Variants in PSD3 observed in about 807,000 individuals in gnomAD.
PSD3 encodes pleckstrin and Sec7 domain containing 3.
In PSD3, 49 loss-of-function variants were observed where a neutral mutation model predicts 105.5. The observed-to-expected ratio is 0.46, with a 90% CI of 0.37 to 0.59. The LOEUF (loss-of-function observed/expected upper bound fraction) is 0.59, where lower values mean the gene tolerates loss of function less well. Ranked by LOEUF, PSD3 falls within the 20% of genes least tolerant of loss-of-function variation. The pLI is 0.00. For missense variants in PSD3, 1,561 were observed against 1,263.8 expected, an observed-to-expected ratio of 1.24 and a Z score of -3.57; for synonymous variants, 557 against 457.8, an observed-to-expected ratio of 1.22 and a Z score of -2.77.
At chr8:18,744,675 CTTAATG>C (rs1367128459) in intron 9 of PSD3, among the ~76,000 whole-genome samples, 1 of 152,172 alleles carries the variant, frequency 6.6e-6, no homozygotes, top group Non-Finnish European at 1.5e-5. Context: ...CCAGTCTTCC[CTTAATG>C]TTAACATCTT....
intron 11 of PSD3, among the ~76,000 whole-genome samples, chr8:18,602,773 T>C (rs933023115): frequency 8.5e-5 from 13 of 152,114 alleles, no homozygotes; most frequent in African/African-American, 2.9e-4. Context: ...ACTGCTCTGA[T>C]TTGACAACCA....
intron 9 of PSD3, among the ~76,000 whole-genome samples, chr8:18,729,358 A>G (rs1264534382): frequency 6.6e-6 from 1 of 152,148 alleles, no homozygotes; most frequent in Admixed American, 6.5e-5. Flanking sequence ...GACTCCTTTA[A>G]CCCACAGCAG....
chr8:18,833,824 C>G (rs1045227327), intron 4 of PSD3, among the ~76,000 whole-genome samples: 6 of 152,052 alleles, frequency 3.9e-5, no homozygotes, highest in Non-Finnish European at 8.8e-5. Context: ...AAAATAATTA[C>G]TTGCATATAA....
At chr8:18,591,871 G>A (rs1803638058) in intron 12 of PSD3, among the ~76,000 whole-genome samples, 2 of 152,126 alleles carry the variant, frequency 1.3e-5, no homozygotes, top group South Asian at 4.1e-4. Context: ...ATCAAAGGGT[G>A]CAAGGATTAT....
chr8:18,600,292 T>C (rs1804341469), intron 12 of PSD3, 72 bp downstream of exon 12: 4 of 1,324,124 alleles, frequency 3.0e-6, no homozygotes, highest in Non-Finnish European at 4.3e-6. Context: ...GAGACTACCG[T>C]ACATACATAT....
intron 9 of PSD3, among the ~76,000 whole-genome samples, chr8:18,712,386 C>A (rs541405820): frequency 6.7e-6 from 1 of 150,212 alleles, no homozygotes; most frequent in Admixed American, 6.6e-5. Context: ...CTAGCTAGAA[C>A]AATAAAGAAG....
intron 4 of PSD3, among the ~76,000 whole-genome samples, chr8:18,851,929 A>C (rs1815608139): frequency 6.6e-6 from 1 of 152,176 alleles, no homozygotes; most frequent in Non-Finnish European, 1.5e-5. Flanking sequence ...ATCAAAATTC[A>C]ATCTAAAACC....
intron 10 of PSD3, among the ~76,000 whole-genome samples, chr8:18,639,080 C>T (rs1807465741): frequency 6.6e-6 from 1 of 152,162 alleles, no homozygotes; most frequent in Admixed American, 6.5e-5. Flanking sequence ...AGAAACCAGT[C>T]ACATGGGCAG....
At chr8:18,646,651 T>G (rs976222688) in intron 10 of PSD3, among the ~76,000 whole-genome samples, 1 of 151,872 alleles carries the variant, frequency 6.6e-6, no homozygotes, top group Non-Finnish European at 1.5e-5. Context: ...AAGTGTAAGG[T>G]GGTACAACTA....
At chr8:18,631,366 T>C (rs916895899) in intron 11 of PSD3, among the ~76,000 whole-genome samples, 1 of 151,940 alleles carries the variant, frequency 6.6e-6, no homozygotes, top group Non-Finnish European at 1.5e-5. Flanking sequence ...TTCCATCCTC[T>C]CAGTGATACA....
At chr8:18,738,191 A>T (rs1395421795) in intron 9 of PSD3, among the ~76,000 whole-genome samples, 1 of 152,154 alleles carries the variant, frequency 6.6e-6, no homozygotes, top group Non-Finnish European at 1.5e-5. Context: ...CTTTCTGGTG[A>T]CCAATTTTGC....
intron 9 of PSD3, among the ~76,000 whole-genome samples, chr8:18,755,526 G>A (rs1805966296): frequency 6.6e-6 from 1 of 151,678 alleles, no homozygotes. Flanking sequence ...GTCTATGGAT[G>A]CATCTGAATA....
chr8:18,722,878 C>T (rs1803091624), intron 9 of PSD3, among the ~76,000 whole-genome samples: 1 of 151,836 alleles, frequency 6.6e-6, no homozygotes, highest in Non-Finnish European at 1.5e-5. Context: ...TGAACTATTT[C>T]AGCACCCGTT....
intron 4 of PSD3, among the ~76,000 whole-genome samples, chr8:18,813,991 T>A (rs1811981931): frequency 6.6e-6 from 1 of 152,154 alleles, no homozygotes; most frequent in Non-Finnish European, 1.5e-5. Flanking sequence ...TAAATATAAA[T>A]CTCCATACAA....
chr8:19,084,557 T>A (rs181963804), exon 1 of PSD3: 2 of 382,032 alleles, frequency 5.2e-6, no homozygotes, highest in Non-Finnish European at 1.1e-5. Context: ...GAAGCCTCCA[T>A]GCCAGGGGCT....
At chr8:18,605,205 G>T (rs1482401418) in intron 11 of PSD3, among the ~76,000 whole-genome samples, 1 of 152,144 alleles carries the variant, frequency 6.6e-6, no homozygotes, top group African/African-American at 2.4e-5. Context: ...GCAGCTGCAG[G>T]GGCTGAACCC....
chr8:18,804,472 G>C, intron 6 of PSD3, 50 bp downstream of exon 6: 1 of 1,447,962 alleles, frequency 6.9e-7, no homozygotes, highest in Non-Finnish European at 9.6e-7. Context: ...TCTTCTCTAA[G>C]AACTAATCAT....
intron 8 of PSD3, among the ~76,000 whole-genome samples, chr8:18,778,365 G>A (rs1464892579): frequency 6.6e-6 from 1 of 152,108 alleles, no homozygotes; most frequent in Non-Finnish European, 1.5e-5. Flanking sequence ...AGAGTTTCAG[G>A]TAGAGTCTTT....
intron 9 of PSD3, among the ~76,000 whole-genome samples, chr8:18,743,178 C>T (rs2129435094): frequency 6.6e-6 from 1 of 152,150 alleles, no homozygotes; most frequent in African/African-American, 2.4e-5. Flanking sequence ...AATCAACTGG[C>T]CAAAGGTAGA....
Sources: gnomAD v4.1 joint callset for allele counts (sites outside exome capture counted in the v4.1 genomes callset) on GRCh38, gnomAD v4.1.1 for gene constraint, MANE v1.5 for transcripts, NCBI Gene and HGNC (gene_info 2026-07-23, HGNC 2026-07-21) for gene names.